Variants in TTC39A observed in about 807,000 individuals in gnomAD.
TTC39A encodes the protein tetratricopeptide repeat protein 39A.
Under a neutral mutation model 82.3 loss-of-function variants are expected in TTC39A, and 46 were observed. That is an observed-to-expected ratio of 0.56 (90% CI 0.44 to 0.71). The LOEUF is 0.71. TTC39A is among the 30% of genes least tolerant of loss of function. The pLI is 0.00. For missense variants in TTC39A, 543 were observed against 712.9 expected, an observed-to-expected ratio of 0.76 and a Z score of 2.71; for synonymous variants, 254 against 275.2, an observed-to-expected ratio of 0.92 and a Z score of 0.76.
intron 1 of TTC39A, chr1:51,322,179 C>T (rs1238242607): frequency 4.6e-6 from 7 of 1,535,734 alleles, no homozygotes; most frequent in Middle Eastern, 1.8e-4. Context: ...TGCTGCCCCC[C>T]CAGGGGGTGC....
Position 51,294,281 on chromosome 1 carries a change from C to T in TTC39A, c.1266+110G>A, listed in dbSNP as rs1644328387. On this transcript the variant is annotated intron_variant, in intron 14 of 17. Transcript: ENST00000680483. This position sits in a 1 kb window ranked among gnomAD's most constrained non-coding sequence, Gnocchi z 4.3. Reference sequence around the variant, plus strand: ...GAATTGTGAAACCCTCCCCAGGCCCCTGAGGCATGAAGGTCTTTCTCCTCA... The same window carrying T: ...GAATTGTGAAACCCTCCCCAGGCCCTTGAGGCATGAAGGTCTTTCTCCTCA... The T allele has an allele frequency of 6.5e-7, 1 of 1,542,454 alleles. No homozygotes were observed. Among genetic ancestry groups the T allele is most frequent in the Non-Finnish European group, 8.8e-7 (1 of 1,140,570 alleles).
At chr1:51,292,686 C>T (rs1644268254) in intron 14 of TTC39A, among the ~76,000 whole-genome samples, 1 of 152,148 alleles carries the variant, frequency 6.6e-6, no homozygotes, top group Admixed American at 6.5e-5. Flanking sequence ...CTACCCTGGC[C>T]TCCCAAAGTT....
At chr1:51,301,040 C>T (rs954596903) in intron 12 of TTC39A, 9 of 152,500 alleles carry the variant, frequency 5.9e-5, no homozygotes, top group East Asian at 1.9e-4. Context: ...CCAAGCCAGA[C>T]GACATCATTT....
rs367841085 is a variant in TTC39A at position 51,305,952 on chromosome 1, G to A, written c.588+25C>T. 6.8e-6 allele frequency: 11 copies of A among 1,608,818 alleles called. No homozygotes were observed. In the African/African-American group the frequency reaches 9.3e-5, roughly 14 times the overall value. ...GGAGACTGAGCTCAAGCCAGGTGCT[G>A]TGGAAATGGAGGAGGAGCACTCACC... is the stretch of plus-strand genomic sequence containing the variant. On this transcript the variant is annotated intron_variant, in intron 7 of 17. Coordinates refer to ENST00000680483, the MANE Select transcript of TTC39A (RefSeq NM_001297663.2).
chr1:51,341,457 G>A (rs554698514), intron 1 of TTC39A, among the ~76,000 whole-genome samples: 106 of 152,222 alleles, frequency 7.0e-4, no homozygotes, highest in South Asian at 2.9e-3. Context: ...TGGTGTGCTG[G>A]CAGAACTGAA....
chr1:51,291,628 CAAAAAAAAAA>C (rs58825279), intron 14 of TTC39A, among the ~76,000 whole-genome samples: 4 of 49,960 alleles, frequency 8.0e-5, no homozygotes, highest in South Asian at 1.0e-3. Flanking sequence ...CCATCTCCAC[CAAAAAAAAAA>C]AAAAAAAAAA....
chr1:51,308,718 A>C (rs1324176556), intron 6 of TTC39A, among the ~76,000 whole-genome samples: 3 of 152,198 alleles, frequency 2.0e-5, no homozygotes, highest in Non-Finnish European at 4.4e-5. Context: ...GGCCAGTTTG[A>C]ATGTCAAGGA....
At chr1:51,341,177 G>GCC (rs34782330) in intron 1 of TTC39A, among the ~76,000 whole-genome samples, 2 of 136,216 alleles carry the variant, frequency 1.5e-5, no homozygotes, top group South Asian at 2.4e-4. Context: ...AAAATAAACC[G>GCC]CCCCCCCACC....
At chr1:51,307,825 C>T (rs1644931127) in intron 6 of TTC39A, among the ~76,000 whole-genome samples, 1 of 150,268 alleles carries the variant, frequency 6.7e-6, no homozygotes, top group African/African-American at 2.5e-5. Context: ...TGAAATTTAA[C>T]ATCTTAACCA....
chr1:51,303,483 G>A (rs960995773), intron 8 of TTC39A, among the ~76,000 whole-genome samples: 6 of 152,176 alleles, frequency 3.9e-5, no homozygotes, highest in African/African-American at 1.4e-4. Flanking sequence ...GGGCTTGGCC[G>A]CCCTGCGATG....
In TTC39A at chr1:51,302,174, T is replaced by C. The variant is rs1482089020; in HGVS notation, c.891+183A>G. On this transcript the variant is annotated intron_variant, in intron 11 of 17. Transcript: ENST00000680483. Reference sequence around the variant, plus strand: ...GCACCACAAATGCCTCCTCCTCCCTTGTCTTCCCAGGCTGCTCTGCCAGAA... The same window carrying C: ...GCACCACAAATGCCTCCTCCTCCCTCGTCTTCCCAGGCTGCTCTGCCAGAA... The C allele has an allele frequency of 3.8e-6, 3 of 796,842 alleles. No individual in the cohort carries two copies. The East Asian group carries it at 8.0e-5, about 21-fold the overall frequency. 49.4% of individuals were successfully genotyped at this position (796,842 alleles called of 1,614,324 possible).
rs921578227 is a variant in TTC39A, at chr1:51,301,519, G to A, written c.1053+53C>T. 5.9e-6 allele frequency: 9 copies of A among 1,529,810 alleles called. No homozygotes were observed. The African/African-American group carries it at 1.1e-4, about 19-fold the overall frequency. The allele number at this position is 1,529,810 out of a possible 1,614,324, so 94.8% of individuals were successfully genotyped here. A position where few individuals can be genotyped will look rare whatever the true frequency, so the allele number is the denominator to read the frequency against. ...TAGGGATTTGGCCCGTGGTCTGGAG[G>A]CACACAGTCAGCCCTGGTCACCCAA... On this transcript the variant is annotated intron_variant, in intron 12 of 17. Transcript: ENST00000680483.
At chr1:51,291,192 T>C (rs1644199396) in intron 14 of TTC39A, among the ~76,000 whole-genome samples, 1 of 152,066 alleles carries the variant, frequency 6.6e-6, no homozygotes, top group Non-Finnish European at 1.5e-5. Context: ...TTTTTTTAGT[T>C]AAAAAAATTT....
intron 11 of TTC39A, 155 bp from the exon 12 acceptor site, chr1:51,301,888 G>C (rs1280512503): frequency 9.8e-7 from 1 of 1,022,648 alleles, no homozygotes; most frequent in Non-Finnish European, 1.4e-6. Context: ...GGAGCCAGGA[G>C]ATCTGGCCTC....
At chr1:51,290,675 TCA>T in intron 14 of TTC39A, 50 bp from the exon 15 acceptor site, 3 of 1,496,970 alleles carry the variant, frequency 2.0e-6, no homozygotes, top group Non-Finnish European at 2.7e-6. Context: ...TAATGGGGCC[TCA>T]GTTTTCCCAT....
In TTC39A at chr1:51,301,715, C is replaced by G. The variant is rs1446904465; in HGVS notation, c.910G>C (p.Glu304Gln). Residue 304 changes from glutamate (E) to glutamine (Q), a missense_variant, in exon 12 of 18, where the codon GAG becomes CAG. By Grantham distance (29) the Glu-to-Gln change is conservative. Transcript: ENST00000680483. ...CAGTGCTGCTGGGCCTCACAGCACTCCTCGAAACGCCGGATGGCCTGCAGG... is the reference window on the plus strand; with the variant it reads ...CAGTGCTGCTGGGCCTCACAGCACTGCTCGAAACGCCGGATGGCCTGCAGG... ...NIDAAIRRFE[E>Q]CCEAQQHWKQ... 6.2e-7 allele frequency: 1 copy of G among 1,606,972 alleles called. No homozygotes were observed. Among genetic ancestry groups the G allele is most frequent in the African/African-American group, 1.3e-5 (1 of 74,834 alleles).
At chr1:51,304,237 T>C (rs1644788051) in intron 8 of TTC39A, among the ~76,000 whole-genome samples, 1 of 152,188 alleles carries the variant, frequency 6.6e-6, no homozygotes, top group Non-Finnish European at 1.5e-5. Flanking sequence ...TCATGCCAAA[T>C]AATATGGAGG....
intron 2 of TTC39A, among the ~76,000 whole-genome samples, chr1:51,318,913 G>T (rs1645392202): frequency 1.3e-5 from 2 of 152,102 alleles, no homozygotes; most frequent in African/African-American, 4.8e-5. Flanking sequence ...TCTTAAACAG[G>T]ACTAGACAGA....
intron 7 of TTC39A, 134 bp from the exon 8 acceptor site, chr1:51,305,280 C>G (rs1644827982): frequency 1.1e-5 from 9 of 806,808 alleles, no homozygotes; most frequent in Non-Finnish European, 1.8e-5. Flanking sequence ...TTGAAAGCCT[C>G]TAGCCAATGT....
Sources: allele counts gnomAD v4.1 joint callset (sites outside exome capture counted in the v4.1 genomes callset), GRCh38; gene constraint gnomAD v4.1.1; non-coding constraint Gnocchi (gnomAD v3.1); transcripts MANE v1.5; gene names NCBI Gene and HGNC (gene_info 2026-07-23, HGNC 2026-07-21).